Variants in LRP1B observed in about 807,000 individuals in gnomAD.
The protein encoded by LRP1B is LDL receptor related protein 1B.
LRP1B carries 217 observed loss-of-function variants against 556.6 expected under a neutral mutation model. The ratio of observed to expected loss-of-function variants is 0.39; its 90% confidence interval spans 0.35 to 0.44. The LOEUF (loss-of-function observed/expected upper bound fraction) is 0.44, where lower values mean the gene tolerates loss of function less well. Ranked by LOEUF, LRP1B falls within the 20% of genes least tolerant of loss-of-function variation. LRP1B has a pLI of 1.00. For synonymous variants in LRP1B, 2,047 were observed against 1,865.8 expected, an observed-to-expected ratio of 1.10 and a Z score of -2.50; for missense variants, 5,053 against 5,620.8, an observed-to-expected ratio of 0.90 and a Z score of 3.23.
chr2:141,253,399 T>C (rs1354564884), intron 4 of LRP1B, among the ~76,000 whole-genome samples: 1 of 152,180 alleles, frequency 6.6e-6, no homozygotes, highest in Non-Finnish European at 1.5e-5. Context: ...TGATAAACAC[T>C]TGATAATAAA....
At chr2:141,400,016 C>T (rs921413333) in intron 3 of LRP1B, among the ~76,000 whole-genome samples, 4 of 152,072 alleles carry the variant, frequency 2.6e-5, no homozygotes, top group South Asian at 2.1e-4. Context: ...GACAGGGTCT[C>T]ATTTTGTCAC....
At chr2:141,682,263 A>G (rs764767579) in intron 2 of LRP1B, among the ~76,000 whole-genome samples, 4 of 152,182 alleles carry the variant, frequency 2.6e-5, no homozygotes, top group Admixed American at 6.5e-5. Flanking sequence ...GTTAACTAGC[A>G]TTACATATAT....
In LRP1B at chr2:141,337,881, T is replaced by C. The variant is rs188483186; in HGVS notation, c.344-83240A>G. On this transcript the variant is annotated intron_variant, in intron 3 of 90. Coordinates refer to ENST00000389484, the MANE Select transcript of LRP1B (RefSeq NM_018557.3). The stretch of plus-strand genomic sequence containing the variant: ...ATAATGACAACATGTTACAGGTGTG[T>C]CAAATGAATTGAGATATTCTTGGTT... Among the ~76,000 whole-genome samples, 8 of 152,350 alleles carry C rather than the reference T, an allele frequency of 5.3e-5. No homozygotes were observed. In the East Asian group the frequency reaches 1.5e-3, roughly 29 times the overall value.
At chr2:142,126,102 C>T (rs943008689) in intron 1 of LRP1B, among the ~76,000 whole-genome samples, 5 of 151,838 alleles carry the variant, frequency 3.3e-5, no homozygotes, top group African/African-American at 1.2e-4. Flanking sequence ...AAATTATAAG[C>T]ATTGGGTATA....
At chr2:140,823,251 C>T (rs1559139936) in intron 31 of LRP1B, among the ~76,000 whole-genome samples, 2 of 152,042 alleles carry the variant, frequency 1.3e-5, no homozygotes. Flanking sequence ...TATAATCTGA[C>T]AACAATATGC....
At chr2:141,145,028 A>C (rs186706876) in intron 7 of LRP1B, among the ~76,000 whole-genome samples, 1 of 152,192 alleles carries the variant, frequency 6.6e-6, no homozygotes, top group Admixed American at 6.5e-5. Flanking sequence ...CTCTATCTCG[A>C]AAGAGAACCC....
intron 34 of LRP1B, among the ~76,000 whole-genome samples, chr2:140,770,585 T>G (rs1282369692): frequency 1.3e-5 from 2 of 152,026 alleles, no homozygotes; most frequent in African/African-American, 4.8e-5. Flanking sequence ...TTTACTATAA[T>G]TTTTGCCTAT....
At position 141,399,216 on chromosome 2, in the gene LRP1B, A is replaced by G. The variant is rs115157704; in HGVS notation, c.343+81180T>C. Among the ~76,000 whole-genome samples, 1,155 of 152,120 alleles carry G rather than the reference A, an allele frequency of 7.6e-3. 15 individuals carry two copies. The highest frequency in any genetic ancestry group is 0.025 in the African/African-American group (1,053 of 41,452). Reference sequence around the variant, plus strand: ...GGTTGCCGTGAGCCAAGATCGTGCCACCGTGCTCCGGCCTGGGAGACAGAG... The same window carrying G: ...GGTTGCCGTGAGCCAAGATCGTGCCGCCGTGCTCCGGCCTGGGAGACAGAG... On this transcript the variant is annotated intron_variant, in intron 3 of 90. Coordinates refer to ENST00000389484, the MANE Select transcript of LRP1B (RefSeq NM_018557.3).
chr2:140,517,051 A>G (rs756080603), intron 49 of LRP1B, 40 bp from the exon 50 acceptor site: 28 of 1,460,078 alleles, frequency 1.9e-5, no homozygotes, highest in Non-Finnish European at 2.7e-5. Flanking sequence ...TTCATTTTAG[A>G]CTTCTGAAAT....
intron 3 of LRP1B, among the ~76,000 whole-genome samples, chr2:141,294,333 A>G (rs1246937190): frequency 6.6e-6 from 1 of 152,170 alleles, no homozygotes; most frequent in Non-Finnish European, 1.5e-5. Context: ...ATGACTTAAG[A>G]AAAGTCAAGA....
rs201659992 is a variant in LRP1B, at chr2:140,907,958, T to G, written c.3439A>C (p.Thr1147Pro). 3 of 1,613,524 alleles carry G rather than the reference T, an allele frequency of 1.9e-6. No individual in the cohort carries two copies. Among genetic ancestry groups the G allele is most frequent in the African/African-American group, 1.3e-5 (1 of 74,964 alleles). Reference protein sequence around the residue: ...GPPKHPCANDTSVCLQPEKLC... With the variant: ...GPPKHPCANDPSVCLQPEKLC... ...TTCTCTGGCTGCAGGCAGACTGAGG[T>G]GTCATTAGCACAAGGATGCTTGGGT... The change falls in exon 22 of 91, where the codon ACC becomes CCC. Residue 1147 changes from threonine to proline, a missense_variant. Transcript: ENST00000389484.
chr2:140,632,994 C>T (rs1001205017), intron 41 of LRP1B, among the ~76,000 whole-genome samples: 6 of 149,850 alleles, frequency 4.0e-5, no homozygotes, highest in African/African-American at 7.4e-5. Context: ...ACCTGGGAGG[C>T]GGAGCTTGCA....
chr2:141,207,233 C>A (rs539764719), intron 6 of LRP1B, among the ~76,000 whole-genome samples: 3 of 152,290 alleles, frequency 2.0e-5, no homozygotes, highest in Non-Finnish European at 2.9e-5. Flanking sequence ...TCCTTGTACA[C>A]AACCTAGACT....
chr2:141,509,417 G>C (rs1020865540), intron 2 of LRP1B, among the ~76,000 whole-genome samples: 2 of 152,146 alleles, frequency 1.3e-5, no homozygotes, highest in African/African-American at 4.8e-5. Context: ...GGAAACAATA[G>C]GGTGGTTGTC....
chr2:141,780,720 G>C (rs750918806), intron 2 of LRP1B, among the ~76,000 whole-genome samples: 1 of 152,118 alleles, frequency 6.6e-6, no homozygotes, highest in African/African-American at 2.4e-5. Context: ...TAATGCAATT[G>C]TTTTATCATT....
intron 3 of LRP1B, among the ~76,000 whole-genome samples, chr2:141,417,741 C>T (rs1679959318): frequency 6.7e-6 from 1 of 149,426 alleles, no homozygotes. Context: ...AGTATTGCTG[C>T]ATCATATGGT....
At chr2:141,403,107 T>C (rs936962285) in intron 3 of LRP1B, among the ~76,000 whole-genome samples, 3 of 152,062 alleles carry the variant, frequency 2.0e-5, no homozygotes, top group African/African-American at 7.2e-5. Context: ...AGATTGAATA[T>C]CAAGTAAAAA....
intron 7 of LRP1B, among the ~76,000 whole-genome samples, chr2:141,176,058 A>G (rs180983361): frequency 5.3e-5 from 8 of 152,198 alleles, no homozygotes; most frequent in East Asian, 3.9e-4. Flanking sequence ...CATTTACCCA[A>G]TGCCTGTACC....
At chr2:141,359,681 G>A (rs980086947) in intron 3 of LRP1B, among the ~76,000 whole-genome samples, 37 of 152,214 alleles carry the variant, frequency 2.4e-4, no homozygotes, top group Admixed American at 5.2e-4. Context: ...GCTTGAACCC[G>A]GGCAGCAGAT....
Sources: allele counts gnomAD v4.1 joint callset (sites outside exome capture counted in the v4.1 genomes callset), GRCh38; gene constraint gnomAD v4.1.1; transcripts MANE v1.5; gene names NCBI Gene and HGNC (gene_info 2026-07-23, HGNC 2026-07-21).